ANKRD55: variants seen among roughly 807,000 people sequenced by gnomAD.
ANKRD55 encodes the protein ankyrin repeat domain-containing protein 55.
ANKRD55 carries 41 observed loss-of-function variants against 60.6 expected under a neutral mutation model. The observed-to-expected ratio is 0.68, with a 90% CI of 0.53 to 0.88. The LOEUF (loss-of-function observed/expected upper bound fraction) is 0.88, where lower values mean the gene tolerates loss of function less well. ANKRD55 is among the 40% of genes least tolerant of loss of function. The pLI is 0.00. For missense variants in ANKRD55, 732 were observed against 767.6 expected (o/e 0.95, Z 0.55); for synonymous variants, 264 against 290.3 (o/e 0.91, Z 0.92).
chr5:56,113,397 G>A (rs1324718305), intron 9 of ANKRD55, among the ~76,000 whole-genome samples: 2 of 152,142 alleles, frequency 1.3e-5, no homozygotes, highest in Non-Finnish European at 2.9e-5. Flanking sequence ...TGTTTAGGGA[G>A]TACAAGTTAT....
At chr5:56,137,545 A>G in intron 7 of ANKRD55, 1 of 736,502 alleles carries the variant, frequency 1.4e-6, no homozygotes, top group Non-Finnish European at 2.4e-6. Context: ...CAGCATTAAA[A>G]TAAATGCAAT....
chr5:56,154,768 T>C (rs1758151013), intron 6 of ANKRD55, among the ~76,000 whole-genome samples: 1 of 152,066 alleles, frequency 6.6e-6, no homozygotes, highest in African/African-American at 2.4e-5. Context: ...TTCATATTTT[T>C]AGTAGAGACG....
intron 3 of ANKRD55, among the ~76,000 whole-genome samples, chr5:56,178,675 T>C (rs1034170513): frequency 2.6e-5 from 4 of 152,048 alleles, no homozygotes; most frequent in Non-Finnish European, 5.9e-5. Context: ...GCAAGACTTA[T>C]GTGGATAAGA....
intron 6 of ANKRD55, chr5:56,146,849 C>T (rs1757912685): frequency 6.6e-6 from 1 of 152,202 alleles, no homozygotes; most frequent in Admixed American, 6.5e-5. Context: ...CCATAGACCA[C>T]TGCACTGTCA....
intron 5 of ANKRD55, among the ~76,000 whole-genome samples, chr5:56,164,868 G>A (rs1334732827): frequency 1.3e-5 from 2 of 152,158 alleles, no homozygotes; most frequent in East Asian, 3.9e-4. Flanking sequence ...GTGCCTTCAC[G>A]TTCATGATTA....
At chr5:56,112,374 A>T (rs1756739062) in intron 9 of ANKRD55, among the ~76,000 whole-genome samples, 1 of 152,044 alleles carries the variant, frequency 6.6e-6, no homozygotes, top group African/African-American at 2.4e-5. Context: ...TTTTAAAAAA[A>T]GTATGCTGAA....
At chr5:56,173,196 TG>T (rs1260893407) in intron 4 of ANKRD55, among the ~76,000 whole-genome samples, 6 of 152,156 alleles carry the variant, frequency 3.9e-5, no homozygotes, top group African/African-American at 1.4e-4. Flanking sequence ...GAATTGCAAT[TG>T]TTTTTTTTCT....
chr5:56,163,537 T>A (rs159547), intron 5 of ANKRD55, among the ~76,000 whole-genome samples: 2 of 151,906 alleles, frequency 1.3e-5, no homozygotes, highest in Non-Finnish European at 2.9e-5. Flanking sequence ...CAGGTGCCAG[T>A]ACAGCAGGCT....
At chr5:56,193,985 T>C (rs17646771) in intron 2 of ANKRD55, among the ~76,000 whole-genome samples, 3,303 of 152,294 alleles carry the variant, frequency 0.022, 60 homozygotes, top group Non-Finnish European at 0.029. Context: ...TTGCTAAAAC[T>C]ACACTGCACC....
intron 7 of ANKRD55, among the ~76,000 whole-genome samples, chr5:56,139,965 A>G (rs912750305): frequency 6.6e-6 from 1 of 152,158 alleles, no homozygotes; most frequent in Non-Finnish European, 1.5e-5. Context: ...GCTACTAGGG[A>G]GGCCGAGTGG....
chr5:56,193,674 G>A (rs528731434), intron 2 of ANKRD55: 71 of 241,174 alleles, frequency 2.9e-4, no homozygotes, highest in Non-Finnish European at 5.7e-4. Context: ...AAAATGTCTA[G>A]CATTGCCCTG....
intron 7 of ANKRD55, among the ~76,000 whole-genome samples, chr5:56,138,552 G>A (rs1330957323): frequency 6.6e-6 from 1 of 152,202 alleles, no homozygotes; most frequent in Non-Finnish European, 1.5e-5. Context: ...GATGTTTATA[G>A]TGGTTTTATT....
chr5:56,106,450 T>C (rs1033756930), intron 10 of ANKRD55, among the ~76,000 whole-genome samples: 7 of 133,248 alleles, frequency 5.3e-5, no homozygotes, highest in African/African-American at 1.7e-4. Context: ...TTTTGAGACA[T>C]AGTCTTGCTC....
intron 3 of ANKRD55, among the ~76,000 whole-genome samples, chr5:56,178,810 C>A (rs1270785708): frequency 6.6e-6 from 1 of 151,956 alleles, no homozygotes; most frequent in Non-Finnish European, 1.5e-5. Context: ...ACATTCATTG[C>A]AAGTCTAATA....
chr5:56,175,376 T>C (rs1758715474), intron 4 of ANKRD55, among the ~76,000 whole-genome samples: 1 of 152,202 alleles, frequency 6.6e-6, no homozygotes, highest in Non-Finnish European at 1.5e-5. Flanking sequence ...ATAGTGAAGA[T>C]TTCTGGGTAC....
At chr5:56,223,964 A>T (rs938029249) in intron 2 of ANKRD55, among the ~76,000 whole-genome samples, 6 of 152,202 alleles carry the variant, frequency 3.9e-5, no homozygotes, top group Non-Finnish European at 7.3e-5. Context: ...CAGGAATTGA[A>T]CTCAGCTCTG....
At chr5:56,232,738 G>T (rs542229753) in intron 2 of ANKRD55, 118 bp downstream of exon 2, 1 of 885,226 alleles carries the variant, frequency 1.1e-6, no homozygotes, top group Non-Finnish European at 1.7e-6. Flanking sequence ...GCACACCCAC[G>T]CACATGAACA....
intron 2 of ANKRD55, among the ~76,000 whole-genome samples, chr5:56,200,863 A>G (rs527720834): frequency 1.2e-4 from 19 of 152,302 alleles, no homozygotes; most frequent in African/African-American, 1.9e-4. Flanking sequence ...AGGGTCACCA[A>G]TGATGTCTGG....
intron 2 of ANKRD55, among the ~76,000 whole-genome samples, chr5:56,204,463 A>G (rs1759454862): frequency 6.6e-6 from 1 of 152,210 alleles, no homozygotes; most frequent in Non-Finnish European, 1.5e-5. Flanking sequence ...TTTTAAGTCT[A>G]ACATATAATT....
Sources: gnomAD v4.1 joint callset for allele counts (sites outside exome capture counted in the v4.1 genomes callset) on GRCh38, gnomAD v4.1.1 for gene constraint, MANE v1.5 for transcripts, NCBI Gene and HGNC (gene_info 2026-07-23, HGNC 2026-07-21) for gene names.